EPB41L3: variants seen among roughly 807,000 people sequenced by gnomAD.
EPB41L3 encodes the protein band 4.1-like protein 3.
In EPB41L3, 57 loss-of-function variants were observed where a neutral mutation model predicts 127.1. The ratio of observed to expected loss-of-function variants is 0.45; its 90% CI spans 0.36 to 0.56. The LOEUF is 0.56. Among genes scored for constraint, EPB41L3 ranks in the 20% least tolerant of loss-of-function variants. The probability of loss-of-function intolerance (pLI) is 0.00; values close to 1 mark genes in which losing one functional copy is unlikely to be tolerated. For synonymous variants in EPB41L3, 572 were observed against 549.5 expected (o/e 1.04, Z -0.57); for missense variants, 1,273 against 1,372.2 (o/e 0.93, Z 1.14).
chr18:5,400,844 T>C (rs1319854281), intron 16 of EPB41L3: 1 of 637,122 alleles, frequency 1.6e-6, no homozygotes, highest in Non-Finnish European at 2.7e-6. Context: ...AAATCAAAAT[T>C]ATGTACCTAC....
chr18:5,393,293 T>G lies in EPB41L3; in HGVS notation c.*192A>C. 1 of 467,658 alleles carries G rather than the reference T, an allele frequency of 2.1e-6. No homozygotes were observed. The highest frequency in any genetic ancestry group is 3.8e-6 in the Non-Finnish European group (1 of 264,466). The allele number at this position is 467,658 out of a possible 1,614,324, so 29.0% of individuals were successfully genotyped here. ...GCATTATCGGTTTAGTGATGCTGAA[T>G]CAGATTGCTTTATTATGGGAAGATC... On this transcript the variant is annotated 3_prime_UTR_variant, in exon 23 of 23. Coordinates refer to ENST00000341928, the MANE Select transcript of EPB41L3 (RefSeq NM_012307.5).
intron 14 of EPB41L3, 93 bp downstream of exon 14, chr18:5,410,473 C>T: frequency 1.1e-6 from 1 of 887,900 alleles, no homozygotes; most frequent in Non-Finnish European, 1.9e-6. Flanking sequence ...ATCTCCATTA[C>T]AACAGCTCAT....
At chr18:5,576,672 T>A (rs1282873126) in intron 3 of EPB41L3, among the ~76,000 whole-genome samples, 1 of 152,236 alleles carries the variant, frequency 6.6e-6, no homozygotes. Context: ...AATAGGTTCC[T>A]GAGCTGGGCT....
chr18:5,493,892 T>C (rs2090879790), intron 1 of EPB41L3, among the ~76,000 whole-genome samples: 1 of 152,142 alleles, frequency 6.6e-6, no homozygotes, highest in South Asian at 2.1e-4. Context: ...ACCCTCTTGG[T>C]TTCCTTCTAT....
chr18:5,615,336 C>CT (rs2094781116), intron 1 of EPB41L3, among the ~76,000 whole-genome samples: 1 of 151,920 alleles, frequency 6.6e-6, no homozygotes, highest in South Asian at 2.1e-4. Context: ...GGGTGAGTGA[C>CT]TCACCCTCTG....
upstream of EPB41L3, among the ~76,000 whole-genome samples, chr18:5,629,561 G>A (rs1026033270): frequency 6.6e-6 from 1 of 152,156 alleles, no homozygotes; most frequent in Admixed American, 6.5e-5. Context: ...GGAGGCTCTG[G>A]CCTCATCTGC....
chr18:5,395,459 G>A, intron 20 of EPB41L3, 150 bp downstream of exon 20: 1 of 704,300 alleles, frequency 1.4e-6, no homozygotes, highest in Non-Finnish European at 2.5e-6. Flanking sequence ...TAAATCTAGG[G>A]GCTGTAAAAG....
chr18:5,447,603 C>T (rs2081678625), intron 3 of EPB41L3, among the ~76,000 whole-genome samples: 1 of 152,106 alleles, frequency 6.6e-6, no homozygotes, highest in South Asian at 2.1e-4. Flanking sequence ...GACCCTATGC[C>T]TCCTACATTT....
chr18:5,630,629 C>T (rs187844627), upstream of EPB41L3: 2 of 444,296 alleles, frequency 4.5e-6, no homozygotes, highest in Non-Finnish European at 8.8e-6. Context: ...GCGGCACCTC[C>T]AAGTTGCCAC....
chr18:5,459,410 G>A (rs2147031686), intron 3 of EPB41L3, among the ~76,000 whole-genome samples: 1 of 149,406 alleles, frequency 6.7e-6, no homozygotes, highest in Non-Finnish European at 1.5e-5. Context: ...TTTTTTTGAA[G>A]GCCTTATCAG....
intron 6 of EPB41L3, among the ~76,000 whole-genome samples, chr18:5,435,869 T>C (rs1326099046): frequency 6.6e-6 from 1 of 152,192 alleles, no homozygotes; most frequent in Admixed American, 6.5e-5. Context: ...AATAACACAA[T>C]TTCTCCTGTT....
chr18:5,468,047 A>G (rs908500887), intron 3 of EPB41L3, among the ~76,000 whole-genome samples: 2 of 152,072 alleles, frequency 1.3e-5, no homozygotes, highest in African/African-American at 2.4e-5. Flanking sequence ...TTTCAGAGCA[A>G]AGTTGTGGCT....
chr18:5,572,220 A>T (rs996950304), intron 3 of EPB41L3, among the ~76,000 whole-genome samples: 1 of 152,228 alleles, frequency 6.6e-6, no homozygotes, highest in Non-Finnish European at 1.5e-5. Context: ...TTTATGTTAC[A>T]GATATTTCAT....
Position 5,416,110 on chromosome 18 carries a change from A to T in EPB41L3, c.1775T>A (p.Leu592His). The change falls in exon 13 of 23, where the codon CTC (leucine) becomes CAC (histidine). Residue 592 changes from leucine to histidine, a missense_variant. Transcript: ENST00000341928. Reference protein sequence around the residue: ...GTTLFSFSLQLPESFPSLLDD... With the variant: ...GTTLFSFSLQHPESFPSLLDD... ...TAGGAGGGAGGGGAATGACTCAGGG[A>T]GCTGCAAGGAGAAGGAGAACAGGGT... is the stretch of plus-strand genomic sequence containing the variant. The T allele has an allele frequency of 6.2e-7, 1 of 1,612,648 alleles. No homozygotes were observed. Among genetic ancestry groups the T allele is most frequent in the African/African-American group, 1.3e-5 (1 of 74,968 alleles).
At chr18:5,438,695 T>C (rs1287570875) in intron 5 of EPB41L3, among the ~76,000 whole-genome samples, 1 of 152,226 alleles carries the variant, frequency 6.6e-6, no homozygotes, top group Non-Finnish European at 1.5e-5. Context: ...TTTGATGAAA[T>C]AGGTACTTGA....
intron 1 of EPB41L3, among the ~76,000 whole-genome samples, chr18:5,623,430 A>T (rs1031430452): frequency 2.6e-5 from 4 of 151,914 alleles, no homozygotes; most frequent in African/African-American, 9.7e-5. Flanking sequence ...ATGCCTGTTT[A>T]TTTTTCTTTT....
intron 1 of EPB41L3, among the ~76,000 whole-genome samples, chr18:5,616,167 G>A (rs954092594): frequency 2.6e-5 from 4 of 151,912 alleles, no homozygotes; most frequent in South Asian, 2.1e-4. Flanking sequence ...CTGTTACCCC[G>A]GCTCCTGCAC....
At position 5,397,211 on chromosome 18, in the gene EPB41L3, G is replaced by T. The variant is rs767218929; in HGVS notation, c.2688C>A (p.Ala896=). ...FTGIKGKEGS[A]LTEGAKEEGG... ...CTTCCTCTTTAGCCCCCTCCGTCAAGGCAGAGCCCTCTTTCCCTTTAATGC... is the reference window on the plus strand; with the variant it reads ...CTTCCTCTTTAGCCCCCTCCGTCAATGCAGAGCCCTCTTTCCCTTTAATGC... The change falls in exon 18 of 23, where the codon GCC becomes GCA. Residue 896 remains alanine (A), a synonymous_variant. Coordinates refer to ENST00000341928, the MANE Select transcript of EPB41L3 (RefSeq NM_012307.5). This position sits in a 1 kb window ranked among gnomAD's most constrained non-coding sequence, Gnocchi z 4.1. 2.5e-6 allele frequency: 4 copies of T among 1,614,108 alleles called. No homozygotes were observed. Among genetic ancestry groups the T allele is most frequent in the Non-Finnish European group, 3.4e-6 (4 of 1,180,028 alleles).
At chr18:5,544,168 A>C (rs2093835000), upstream of EPB41L3, 1 of 985,322 alleles carries the variant, frequency 1.0e-6, no homozygotes, top group Non-Finnish European at 1.2e-6. Context: ...GGAGGGGGCC[A>C]CCGCAGTACT....
Sources: allele counts gnomAD v4.1 joint callset (sites outside exome capture counted in the v4.1 genomes callset), GRCh38; gene constraint gnomAD v4.1.1; non-coding constraint Gnocchi (gnomAD v3.1); transcripts MANE v1.5; gene names NCBI Gene and HGNC (gene_info 2026-07-23, HGNC 2026-07-21).